Variants in IGF2R observed in about 807,000 individuals in gnomAD.
IGF2R encodes insulin like growth factor 2 receptor.
IGF2R carries 91 observed loss-of-function variants against 270.6 expected under a neutral mutation model. That is an observed-to-expected ratio of 0.34 (90% CI 0.28 to 0.40). The LOEUF is 0.40. IGF2R is among the 10% of genes least tolerant of loss of function. The probability of loss-of-function intolerance (pLI) is 1.00; values close to 1 mark genes in which losing one functional copy is unlikely to be tolerated. For missense variants in IGF2R, 2,805 were observed against 3,188.3 expected (o/e 0.88, Z 2.90); for synonymous variants, 1,316 against 1,258.9 (o/e 1.05, Z -0.96).
chr6:160,072,068 G>T (rs765156947), intron 32 of IGF2R, 32 bp downstream of exon 32: 2 of 1,613,172 alleles, frequency 1.2e-6, no homozygotes, highest in South Asian at 1.1e-5. Flanking sequence ...TAACCCCAGC[G>T]CAGGTGAGAG....
At position 160,102,545 on chromosome 6, in the gene IGF2R, G is replaced by C. The variant is rs1779510095; in HGVS notation, c.6869G>C (p.Gly2290Ala). Residue 2290 changes from glycine (G) to alanine (A), a missense_variant, in exon 46 of 48, where the codon GGG becomes GCG. By Grantham distance (60) the Gly-to-Ala change is moderately conservative (BLOSUM62 0). Transcript: ENST00000356956. The surrounding 1 kb of genome is among the most constrained non-coding windows in gnomAD (Gnocchi z 4.5). ...GTGGGCTTTGACAGCGAGAATCCCG[G>C]GGACGACGGGCAGATGCACAAGGGG... is the stretch of plus-strand genomic sequence containing the variant. ...LGVGFDSENP[G>A]DDGQMHKGLS... 6.2e-7 allele frequency: 1 copy of C among 1,612,704 alleles called. No individual in the cohort carries two copies. Among genetic ancestry groups the C allele is most frequent in the South Asian group, 1.1e-5 (1 of 91,022 alleles).
intron 11 of IGF2R, among the ~76,000 whole-genome samples, chr6:160,042,425 A>G (rs1452472850): frequency 1.3e-5 from 2 of 152,162 alleles, no homozygotes; most frequent in Non-Finnish European, 2.9e-5. Context: ...GTATTTTTAT[A>G]TCTTTACCTC....
intron 19 of IGF2R, among the ~76,000 whole-genome samples, chr6:160,056,152 A>G (rs1348427088): frequency 1.3e-5 from 2 of 152,096 alleles, no homozygotes; most frequent in Admixed American, 6.5e-5. Context: ...TTGAGCTCAG[A>G]CCTAGGTTTG....
At chr6:160,063,284 G>A (rs570701344) in intron 26 of IGF2R, 131 bp from the exon 27 acceptor site, 76 of 689,382 alleles carry the variant, frequency 1.1e-4, no homozygotes, top group East Asian at 1.0e-3. Flanking sequence ...TAATCCACCC[G>A]CCTCAGCCTC....
chr6:159,992,080 A>G lies in IGF2R; in HGVS notation c.289+757A>G, dbSNP rs147337685. 9.4e-4 allele frequency among the ~76,000 whole-genome samples: 143 copies of G among 152,292 alleles called. 1 individual carries two copies. The highest frequency in any genetic ancestry group is 3.2e-3 in the African/African-American group (133 of 41,578). Reference sequence around the variant, plus strand: ...ACCTTTCACTAAGGCAGTTAGAATAATGAGGTTTGACCACAATGGATGCTC... The same window carrying G: ...ACCTTTCACTAAGGCAGTTAGAATAGTGAGGTTTGACCACAATGGATGCTC... On this transcript the variant is annotated intron_variant, in intron 2 of 47. Transcript: ENST00000356956.
intron 45 of IGF2R, among the ~76,000 whole-genome samples, chr6:160,098,863 G>C (rs1051366790): frequency 2.6e-5 from 4 of 152,034 alleles, no homozygotes; most frequent in Non-Finnish European, 5.9e-5. Context: ...AGCAATGTTC[G>C]CCCTAATAGA....
intron 8 of IGF2R, 85 bp downstream of exon 8, chr6:160,032,798 C>A: frequency 6.8e-7 from 1 of 1,467,336 alleles, no homozygotes; most frequent in Non-Finnish European, 9.3e-7. Flanking sequence ...CCAAGTCAGT[C>A]CATGCATGCT....
At chr6:159,991,474 G>A (rs1032253493) in intron 2 of IGF2R, 151 bp downstream of exon 2, 1 of 668,238 alleles carries the variant, frequency 1.5e-6, no homozygotes, top group Non-Finnish European at 2.4e-6. Flanking sequence ...ACATTTGTTA[G>A]TAGTTAAAAA....
intron 35 of IGF2R, among the ~76,000 whole-genome samples, chr6:160,074,626 T>TA (rs760112675): frequency 6.6e-5 from 10 of 152,360 alleles, no homozygotes; most frequent in Non-Finnish European, 1.0e-4. Context: ...CTCCATGAGT[T>TA]ATATTCATAT....
At chr6:160,097,011 G>A (rs1779376481) in intron 45 of IGF2R, among the ~76,000 whole-genome samples, 1 of 152,168 alleles carries the variant, frequency 6.6e-6, no homozygotes, top group Non-Finnish European at 1.5e-5. Flanking sequence ...TGTAATCCTG[G>A]AACATCTTTT....
At chr6:160,079,513 G>T (rs2115281690) in intron 37 of IGF2R, 67 bp from the exon 38 acceptor site, 1 of 1,157,750 alleles carries the variant, frequency 8.6e-7, no homozygotes. Flanking sequence ...TGCAATAGTG[G>T]TTCTCTCTTC....
At position 160,105,088 on chromosome 6, in the gene IGF2R, C is replaced by A. The variant is rs775122540; in HGVS notation, c.*4C>A. The A allele has an allele frequency of 1.9e-6, 3 of 1,559,786 alleles. No homozygotes were observed. The highest frequency in any genetic ancestry group is 2.6e-6 in the Non-Finnish European group (3 of 1,151,806). Reference sequence around the variant, plus strand: ...CGAGGACCTCTTACACATCTGACTCCGCAGTGCCTGCAGGGGAGCACGGAG... The same window carrying A: ...CGAGGACCTCTTACACATCTGACTCAGCAGTGCCTGCAGGGGAGCACGGAG... On this transcript the variant is annotated 3_prime_UTR_variant, in exon 48 of 48. Transcript: ENST00000356956.
At chr6:160,069,812 C>T (rs961864647) in intron 30 of IGF2R, 56 bp from the exon 31 acceptor site, 1 of 1,525,974 alleles carries the variant, frequency 6.6e-7, no homozygotes, top group African/African-American at 1.4e-5. Flanking sequence ...TGATGAAGTT[C>T]TGTTCTAGCC....
In IGF2R at chr6:160,097,722, T is replaced by C. The variant is rs528052963; in HGVS notation, c.6842+1097T>C. Among the ~76,000 whole-genome samples, 7 of 152,342 alleles carry C rather than the reference T, an allele frequency of 4.6e-5. No individual in the cohort carries two copies. The South Asian group carries it at 1.5e-3, about 32-fold the overall frequency. Reference sequence around the variant, plus strand: ...TCTTGCCATGTAATTGTTTCCTTCATGTCCTGAAAAAGGGACCGTAGAGTC... The same window carrying C: ...TCTTGCCATGTAATTGTTTCCTTCACGTCCTGAAAAAGGGACCGTAGAGTC... On this transcript the variant is annotated intron_variant, in intron 45 of 47. Transcript: ENST00000356956.
chr6:160,007,589 G>A (rs1482852617), intron 2 of IGF2R: 5 of 152,108 alleles, frequency 3.3e-5, no homozygotes, highest in South Asian at 2.1e-4. Flanking sequence ...CTTTTCATTG[G>A]ATATTAAGAT....
At chr6:160,056,615 C>A in intron 20 of IGF2R, 90 bp downstream of exon 20, 2 of 842,250 alleles carry the variant, frequency 2.4e-6, no homozygotes, top group Non-Finnish European at 4.1e-6. Context: ...CCGACCCCTG[C>A]CCCTTCTTTC....
chr6:159,984,636 A>G (rs1195421198), intron 1 of IGF2R, among the ~76,000 whole-genome samples: 1 of 152,216 alleles, frequency 6.6e-6, no homozygotes, highest in Non-Finnish European at 1.5e-5. Context: ...GACATACCAT[A>G]TAGCCTAGGT....
Position 159,996,582 on chromosome 6 carries a change from G to T in IGF2R, c.289+5259G>T, listed in dbSNP as rs544041914. Among the ~76,000 whole-genome samples, 7 of 152,312 alleles carry T rather than the reference G, an allele frequency of 4.6e-5. No individual in the cohort carries two copies. The South Asian group carries it at 1.5e-3, about 32-fold the overall frequency. On this transcript the variant is annotated intron_variant, in intron 2 of 47. Transcript: ENST00000356956. ...AAGGTGTCTGCGGGGAGGTGTGGGG[G>T]TTGCTCCAGCTCCATGGCCTGGGCA...
intron 2 of IGF2R, among the ~76,000 whole-genome samples, chr6:160,001,502 C>T (rs1784129985): frequency 6.6e-6 from 1 of 152,066 alleles, no homozygotes; most frequent in Non-Finnish European, 1.5e-5. Context: ...ATGCTTGAAT[C>T]ATCCCGAAAC....
Sources: gnomAD v4.1 joint callset for allele counts (sites outside exome capture counted in the v4.1 genomes callset) on GRCh38, gnomAD v4.1.1 for gene constraint, Gnocchi (gnomAD v3.1) non-coding constraint, MANE v1.5 for transcripts, NCBI Gene and HGNC (gene_info 2026-07-23, HGNC 2026-07-21) for gene names.